Variants in PVRIG observed in about 807,000 individuals in gnomAD.
The protein encoded by PVRIG is transmembrane protein PVRIG.
Under a neutral mutation model 21.9 loss-of-function variants are expected in PVRIG, and 16 were observed. That is an observed-to-expected ratio of 0.73 (90% CI 0.50 to 1.11). PVRIG has a LOEUF of 1.11. Ranked by LOEUF, PVRIG falls within the 50% of genes most tolerant of loss-of-function variation. The pLI, the probability that PVRIG is intolerant of heterozygous loss-of-function variation, is 0.00. For missense variants in PVRIG, 435 were observed against 445.7 expected, an observed-to-expected ratio of 0.98 and a Z score of 0.22; for synonymous variants, 190 against 181.0, an observed-to-expected ratio of 1.05 and a Z score of -0.40.
chr7:100,220,376 C>G, exon 3 of PVRIG: 8 of 1,574,766 alleles, frequency 5.1e-6, no homozygotes, highest in Non-Finnish European at 6.0e-6. Context: ...GCAGCCCCTG[C>G]GCCAACACCA....
At chr7:100,221,097 C>T (rs753245769) in exon 6 of PVRIG, 3 of 1,614,012 alleles carry the variant, frequency 1.9e-6, no homozygotes, top group Non-Finnish European at 8.5e-7. Context: ...GCCTGGGCCT[C>T]CACACCCATC....
intron 1 of PVRIG, chr7:100,219,705 C>T (rs1359848568): frequency 1.6e-6 from 1 of 612,120 alleles, no homozygotes; most frequent in Non-Finnish European, 3.0e-6. Flanking sequence ...CTCCCCTGGC[C>T]TCCCCAGGCC....
exon 6 of PVRIG, chr7:100,220,942 C>A (rs768811522): frequency 6.3e-7 from 1 of 1,580,332 alleles, no homozygotes; most frequent in Non-Finnish European, 8.6e-7. Context: ...CAAGCCAGGC[C>A]TCCCAGGCTG....
chr7:100,221,212 G>A, exon 6 of PVRIG: 1 of 1,605,964 alleles, frequency 6.2e-7, no homozygotes, highest in Non-Finnish European at 8.5e-7. Context: ...CTGACCCTCG[G>A]GGGCCCAGGG....
intron 1 of PVRIG, chr7:100,219,634 C>T (rs1389924364): frequency 1.9e-6 from 1 of 538,942 alleles, no homozygotes; most frequent in African/African-American, 1.9e-5. Context: ...TTAGGGAAGC[C>T]CGGCACCCCT....
chr7:100,221,371 C>T (rs1200413704), exon 6 of PVRIG: 12 of 708,198 alleles, frequency 1.7e-5, no homozygotes, highest in South Asian at 4.2e-5. Context: ...CCACCTGCTG[C>T]GGATGTGGTC....
In PVRIG at chr7:100,220,901, T is replaced by C. The variant is rs754598458; in HGVS notation, c.658-27T>C. On this transcript the variant is annotated intron_variant, in intron 5 of 5. Transcript: ENST00000317271. Reference sequence around the variant, plus strand: ...AGGGCTGGGCCCAAGCTGTGCAGACTCACTTGACCCTCCTTCCCCCGCGCA... The same window carrying C: ...AGGGCTGGGCCCAAGCTGTGCAGACCCACTTGACCCTCCTTCCCCCGCGCA... 6.3e-6 allele frequency: 10 copies of C among 1,583,554 alleles called. No homozygotes were observed. In the Admixed American group the frequency reaches 1.5e-4, roughly 23 times the overall value.
intron 5 of PVRIG, 53 bp downstream of exon 4, chr7:100,220,873 G>T (rs1398230566): frequency 6.9e-6 from 11 of 1,599,228 alleles, no homozygotes; most frequent in Admixed American, 1.8e-5. Flanking sequence ...GGGCAGGGGG[G>T]CCAGGGCTGG....
intron 1 of PVRIG, chr7:100,219,615 AGC>A: frequency 2.0e-6 from 1 of 507,596 alleles, no homozygotes; most frequent in East Asian, 3.7e-5. Flanking sequence ...GGCGGGACAG[AGC>A]CCTTTCTTAG....
At chr7:100,219,424 G>A (rs1157563869) in intron 1 of PVRIG, 6 of 210,916 alleles carry the variant, frequency 2.8e-5, no homozygotes, top group Admixed American at 1.6e-4. Context: ...AGATCAGGAG[G>A]TATGAGTGGG....
rs1379502434 is a variant in PVRIG at position 100,220,753 on chromosome 7, C to T, written c.597-7C>T. On this transcript the variant is annotated splice_polypyrimidine_tract_variant and splice_region_variant and intron_variant, in intron 4 of 5. Transcript: ENST00000317271. ...GCAGAGCTCTGACCATCCTTGCTCT[C>T]TCCCAGCCCTGCCCCTAGGCTCCAG... The T allele has an allele frequency of 6.2e-6, 10 of 1,606,196 alleles. No homozygotes were observed. In the East Asian group the frequency reaches 8.9e-5, roughly 14 times the overall value.
In PVRIG at chr7:100,220,572, C is replaced by T. The variant is rs200922608; in HGVS notation, c.495C>T (p.Ala165=). ...GGCTCTCTGCCCCGCCGACTCCTGC[C>T]CCCATTCTGCGGGCAGACCTGGCCG... The change falls in exon 4 of 6, where the codon GCC becomes GCT. Residue 165 remains alanine, a synonymous_variant. Transcript: ENST00000317271. 141 of 1,612,130 alleles carry T rather than the reference C, an allele frequency of 8.7e-5. 1 individual carries two copies. The East Asian group carries it at 3.1e-3, about 36-fold the overall frequency.
chr7:100,221,028 G>A (rs1240591944), exon 6 of PVRIG: 2 of 1,612,598 alleles, frequency 1.2e-6, no homozygotes, highest in African/African-American at 1.3e-5. Flanking sequence ...CCCCATGGGG[G>A]GCCGTCCTGG....
In PVRIG at chr7:100,219,972, TG is replaced by T. The variant is rs1417782998; in HGVS notation, c.66del (p.His23ThrfsTer11). 1 of 1,583,796 alleles carries T rather than the reference TG, an allele frequency of 6.3e-7. No homozygotes were observed. Among genetic ancestry groups the T allele is most frequent in the East Asian group, 2.3e-5 (1 of 43,672 alleles). ...CCAGAACCTGGACTGGAGGGGGCCATGGGGCACCGGACCCTGGTCCTGCCCT... is the reference window on the plus strand; with the variant it reads ...CCAGAACCTGGACTGGAGGGGGCCATGGGCACCGGACCCTGGTCCTGCCCT... On this transcript the variant is annotated frameshift_variant, in exon 2 of 6. Coordinates refer to ENST00000317271, the Ensembl canonical transcript of PVRIG. LOFTEE classifies it high-confidence loss of function.
In PVRIG at chr7:100,220,837, C is replaced by T. The variant is rs776745555; in HGVS notation, c.657+17C>T. On this transcript the variant is annotated intron_variant, in intron 5 of 5. Coordinates refer to ENST00000317271, the Ensembl canonical transcript of PVRIG. ...CGAGCATGGGTGAGGAGGGGACCTG[C>T]TTTGGGGATGAGGTGACAGGGGCAG... 6.8e-5 allele frequency: 109 copies of T among 1,607,226 alleles called. No homozygotes were observed. The highest frequency in any genetic ancestry group is 8.9e-5 in the Non-Finnish European group (105 of 1,178,752).
chr7:100,221,146 C>G, exon 6 of PVRIG: 1 of 1,613,594 alleles, frequency 6.2e-7, no homozygotes, highest in Non-Finnish European at 8.5e-7. Flanking sequence ...AGAATGGACT[C>G]TACGCTCAGG....
At chr7:100,221,335 A>T in exon 6 of PVRIG, 1 of 1,152,418 alleles carries the variant, frequency 8.7e-7, no homozygotes, top group Non-Finnish European at 1.2e-6. Flanking sequence ...GCCTCCAATA[A>T]GTGTCCCATA....
At chr7:100,219,553 C>T in intron 1 of PVRIG, 1 of 364,782 alleles carries the variant, frequency 2.7e-6, no homozygotes, top group South Asian at 2.7e-5. Flanking sequence ...GTCCTCCCTG[C>T]TGGCTTCCCA....
chr7:100,220,567 C>A, exon 4 of PVRIG: 1 of 1,612,076 alleles, frequency 6.2e-7, no homozygotes, highest in Non-Finnish European at 8.5e-7. Flanking sequence ...CCCGCCGACT[C>A]CTGCCCCCAT....
Sources: gnomAD v4.1 joint callset for allele counts on GRCh38, gnomAD v4.1.1 for gene constraint, MANE v1.5 for transcripts, NCBI Gene and HGNC (gene_info 2026-07-23, HGNC 2026-07-21) for gene names.